The following MARCHF7 variants were observed in gnomAD, a reference collection of about 807,000 sequenced individuals.
The protein encoded by MARCHF7 is E3 ubiquitin-protein ligase MARCHF7.
MARCHF7 carries 20 observed loss-of-function variants against 76.5 expected under a neutral mutation model. The observed-to-expected ratio is 0.26, with a 90% CI of 0.18 to 0.38. MARCHF7 has a LOEUF of 0.38. MARCHF7 is among the 10% of genes least tolerant of loss of function. MARCHF7 has a pLI of 1.00. For missense variants in MARCHF7, 797 were observed against 812.9 expected (o/e 0.98, Z 0.24); for synonymous variants, 295 against 293.0 (o/e 1.01, Z -0.07).
chr2:159,750,584 C>G (rs1366674718), intron 7 of MARCHF7, among the ~76,000 whole-genome samples: 2 of 152,060 alleles, frequency 1.3e-5, no homozygotes, highest in Admixed American at 6.6e-5. Context: ...TCTTTTTATA[C>G]AAAGAAATCT....
chr2:159,767,089 G>A (rs116380976), intron 11 of MARCHF7, among the ~76,000 whole-genome samples, 195 bp from the exon 12 acceptor site: 2,214 of 152,174 alleles, frequency 0.015, 39 homozygotes, highest in African/African-American at 0.05. Flanking sequence ...GTGTGGGGGC[G>A]GGGAGAATTG....
At chr2:159,756,050 T>C (rs1340514766) in intron 8 of MARCHF7, among the ~76,000 whole-genome samples, 1 of 152,162 alleles carries the variant, frequency 6.6e-6, no homozygotes, top group Non-Finnish European at 1.5e-5. Flanking sequence ...ACTCACAGGT[T>C]TTGTTAGTCA....
chr2:159,761,353 A>T (rs1574440569), intron 9 of MARCHF7, among the ~76,000 whole-genome samples: 1 of 144,578 alleles, frequency 6.9e-6, no homozygotes, highest in African/African-American at 2.5e-5. Context: ...AATGTTCTGG[A>T]TATATTATTT....
intron 2 of MARCHF7, 45 bp downstream of exon 2, chr2:159,714,643 A>T (rs998765787): frequency 1.3e-5 from 2 of 152,204 alleles, no homozygotes; most frequent in Non-Finnish European, 2.9e-5. Flanking sequence ...CTGTACTAGA[A>T]AATTAGTGTC....
At chr2:159,738,075 T>G (rs1703679426) in intron 4 of MARCHF7, among the ~76,000 whole-genome samples, 1 of 152,068 alleles carries the variant, frequency 6.6e-6, no homozygotes, top group African/African-American at 2.4e-5. Flanking sequence ...AGGGGGTGCA[T>G]GGGCAAGTGA....
intron 4 of MARCHF7, among the ~76,000 whole-genome samples, chr2:159,730,225 T>A (rs1192630012): frequency 6.6e-6 from 1 of 152,214 alleles, no homozygotes; most frequent in African/African-American, 2.4e-5. Flanking sequence ...TTGAAATGGC[T>A]TATCATTGTA....
chr2:159,741,914 G>C (rs73967904), intron 4 of MARCHF7, among the ~76,000 whole-genome samples: 6,297 of 151,970 alleles, frequency 0.041, 416 homozygotes, highest in African/African-American at 0.14. Context: ...TGTCCTGTCT[G>C]TGTGTGTGTG....
intron 4 of MARCHF7, among the ~76,000 whole-genome samples, chr2:159,732,374 A>G (rs1249236289): frequency 6.6e-6 from 1 of 152,110 alleles, no homozygotes. Flanking sequence ...AGTTGCTTTA[A>G]GTTGCTTACA....
At chr2:159,762,026 C>T (rs1057059300) in intron 9 of MARCHF7, among the ~76,000 whole-genome samples, 3 of 152,112 alleles carry the variant, frequency 2.0e-5, no homozygotes, top group Non-Finnish European at 4.4e-5. Flanking sequence ...GAGCTAAATA[C>T]GCCACTTGCT....
At chr2:159,735,468 T>C (rs1703342425) in intron 4 of MARCHF7, among the ~76,000 whole-genome samples, 1 of 152,236 alleles carries the variant, frequency 6.6e-6, no homozygotes, top group South Asian at 2.1e-4. Context: ...TGGTTATCAC[T>C]GCACTGCTCC....
intron 4 of MARCHF7, among the ~76,000 whole-genome samples, chr2:159,739,249 G>A (rs1012838999): frequency 6.6e-6 from 1 of 152,234 alleles, no homozygotes; most frequent in Middle Eastern, 3.2e-3. Context: ...CTGACTCTGT[G>A]GAGCGCACAG....
chr2:159,733,009 TA>T (rs1267546361), intron 4 of MARCHF7: 43 of 752,426 alleles, frequency 5.7e-5, no homozygotes, highest in Non-Finnish European at 7.0e-5. Flanking sequence ...GAACATAGTA[TA>T]GGGGTTCAGG....
chr2:159,713,758 T>A (rs1700632436), intron 1 of MARCHF7, among the ~76,000 whole-genome samples: 1 of 152,204 alleles, frequency 6.6e-6, no homozygotes, highest in Non-Finnish European at 1.5e-5. Flanking sequence ...CATGAGGCAG[T>A]AGCACCAGAC....
chr2:159,756,789 T>C (rs1002422014), intron 8 of MARCHF7, among the ~76,000 whole-genome samples: 14 of 151,598 alleles, frequency 9.2e-5, no homozygotes, highest in African/African-American at 3.4e-4. Flanking sequence ...TTCAGTAAAA[T>C]TGAATAATAC....
At chr2:159,749,686 T>G (rs893010234) in intron 7 of MARCHF7, among the ~76,000 whole-genome samples, 5 of 151,726 alleles carry the variant, frequency 3.3e-5, no homozygotes, top group African/African-American at 1.2e-4. Flanking sequence ...GATGTTTCAT[T>G]CATAGGTAAA....
intron 8 of MARCHF7, among the ~76,000 whole-genome samples, chr2:159,753,298 G>A (rs1397247219): frequency 3.9e-5 from 6 of 152,044 alleles, no homozygotes; most frequent in African/African-American, 1.4e-4. Context: ...GAGGCCGGGC[G>A]CGGTGGCTCA....
chr2:159,747,842 A>C lies in MARCHF7; in HGVS notation c.552A>C (p.Ala184=), dbSNP rs1402853647. ...QDRVPSYSQG[A]RPKENSMSTL... Reference sequence around the variant, plus strand: ...GAGTTCCTTCATATTCACAAGGAGCAAGACCAAAAGAAAACTCAATGAGCA... The same window carrying C: ...GAGTTCCTTCATATTCACAAGGAGCCAGACCAAAAGAAAACTCAATGAGCA... The change falls in exon 7 of 12, where the codon GCA becomes GCC. Residue 184 remains alanine (A), a synonymous_variant. Coordinates refer to ENST00000409175, the MANE Select transcript of MARCHF7 (RefSeq NM_001282805.2). 2 of 1,607,998 alleles carry C rather than the reference A, an allele frequency of 1.2e-6. No individual in the cohort carries two copies. Among genetic ancestry groups the C allele is most frequent in the African/African-American group, 2.7e-5 (2 of 74,566 alleles).
Position 159,767,358 on chromosome 2 carries a change from A to G in MARCHF7, c.*16A>G. 1 of 1,585,882 alleles carries G rather than the reference A, an allele frequency of 6.3e-7. No individual in the cohort carries two copies. Among genetic ancestry groups the G allele is most frequent in the Non-Finnish European group, 8.7e-7 (1 of 1,155,780 alleles). ...TATTGCCTAACTTCATATAAGACAG[A>G]TGGATGATCTGTGAACATAAGTGTT... On this transcript the variant is annotated 3_prime_UTR_variant, in exon 12 of 12. Transcript: ENST00000409175.
At chr2:159,766,905 GAT>G (rs1409469121) in intron 11 of MARCHF7, among the ~76,000 whole-genome samples, 1 of 152,132 alleles carries the variant, frequency 6.6e-6, no homozygotes, top group Non-Finnish European at 1.5e-5. Context: ...TAATAAGCCA[GAT>G]TTTACTCAGG....
Sources: allele counts gnomAD v4.1 joint callset (sites outside exome capture counted in the v4.1 genomes callset), GRCh38; gene constraint gnomAD v4.1.1; transcripts MANE v1.5; gene names NCBI Gene and HGNC (gene_info 2026-07-23, HGNC 2026-07-21).